Variants in CCDC125 observed in about 807,000 individuals in gnomAD.
The protein encoded by CCDC125 is coiled-coil domain-containing protein 125.
A neutral mutation model predicts 57.4 loss-of-function variants in CCDC125; 43 were observed. The observed-to-expected ratio is 0.75, with a 90% CI of 0.59 to 0.97. The LOEUF (loss-of-function observed/expected upper bound fraction) is 0.97, where lower values mean the gene tolerates loss of function less well. Ranked by LOEUF, CCDC125 falls within the 50% of genes least tolerant of loss-of-function variation. CCDC125 has a pLI of 0.00. For missense variants in CCDC125, 563 were observed against 595.7 expected, an observed-to-expected ratio of 0.95 and a Z score of 0.57; for synonymous variants, 187 against 195.2, an observed-to-expected ratio of 0.96 and a Z score of 0.35.
chr5:69,311,005 TA>T (rs921347112), intron 4 of CCDC125, 112 bp downstream of exon 4: 21 of 578,922 alleles, frequency 3.6e-5, no homozygotes, highest in Non-Finnish European at 5.4e-5. Context: ...TATACATACC[TA>T]AAAAAACCCT....
intron 3 of CCDC125, 25 bp downstream of exon 3, chr5:69,313,960 T>A: frequency 6.4e-7 from 1 of 1,553,918 alleles, no homozygotes; most frequent in Admixed American, 1.7e-5. Flanking sequence ...AAACTGATAA[T>A]TTTTATATTA....
chr5:69,294,642 T>C (rs766227182), intron 9 of CCDC125, 151 bp downstream of exon 9: 3 of 684,234 alleles, frequency 4.4e-6, no homozygotes, highest in African/African-American at 3.6e-5. Context: ...CAAAATCCAG[T>C]TGATAAGTTG....
At chr5:69,290,068 G>T (rs1754147189) in intron 10 of CCDC125, among the ~76,000 whole-genome samples, 1 of 151,768 alleles carries the variant, frequency 6.6e-6, no homozygotes, top group Admixed American at 6.6e-5. Flanking sequence ...TAGCTTCTAT[G>T]ATCTGCATTT....
chr5:69,307,638 C>T (rs1007264254), intron 5 of CCDC125: 5 of 252,716 alleles, frequency 2.0e-5, no homozygotes, highest in Admixed American at 9.9e-5. Flanking sequence ...GTAGAGATCG[C>T]GCCACTGCAC....
downstream of CCDC125, among the ~76,000 whole-genome samples, chr5:69,277,638 T>C (rs1263444982): frequency 8.6e-5 from 13 of 151,848 alleles, no homozygotes; most frequent in East Asian, 1.6e-3. Context: ...GGCGTGGTGG[T>C]GGGCGCCTGT....
chr5:69,317,690 A>G (rs908530644), intron 2 of CCDC125, among the ~76,000 whole-genome samples: 1 of 152,180 alleles, frequency 6.6e-6, no homozygotes, highest in African/African-American at 2.4e-5. Context: ...GAGTTGTAAC[A>G]TTTTATCAAA....
intron 3 of CCDC125, among the ~76,000 whole-genome samples, chr5:69,313,028 C>T (rs1172995993): frequency 6.6e-6 from 1 of 151,802 alleles, no homozygotes; most frequent in Non-Finnish European, 1.5e-5. Flanking sequence ...AGTTACAAGT[C>T]AGCAGCAAGG....
At chr5:69,284,451 C>T (rs930400076) in intron 11 of CCDC125, among the ~76,000 whole-genome samples, 1 of 151,950 alleles carries the variant, frequency 6.6e-6, no homozygotes, top group Non-Finnish European at 1.5e-5. Context: ...TTAAAAATGC[C>T]TCAATAAACA....
Position 69,292,284 on chromosome 5 carries a change from T to A in CCDC125, c.1003A>T (p.Met335Leu). ...TGTAGTGCCTGGTCATTTTTTCTCA[T>A]TAATTGTTGCTCAAATGCAATTCTG... ...AFRIAFEQQL[M>L]RKNDQALQLT... Residue 335 changes from methionine (M) to leucine (L), a missense_variant, in exon 10 of 12, where the codon ATG (methionine) becomes TTG (leucine). Transcript: ENST00000396496. 6.2e-7 allele frequency: 1 copy of A among 1,613,924 alleles called. No homozygotes were observed. The highest frequency in any genetic ancestry group is 8.5e-7 in the Non-Finnish European group (1 of 1,179,918).
intron 11 of CCDC125, among the ~76,000 whole-genome samples, chr5:69,285,083 ACT>A (rs202153416): frequency 0.012 from 1,810 of 151,886 alleles, 20 homozygotes; most frequent in Admixed American, 0.023. Flanking sequence ...GGTGACAGAG[ACT>A]CTGTCTCAAA....
In CCDC125 at chr5:69,287,889, C is replaced by T. The variant is rs751153519; in HGVS notation, c.1100-2422G>A. Among the ~76,000 whole-genome samples, 87 of 152,130 alleles carry T rather than the reference C, an allele frequency of 5.7e-4. 1 individual carries two copies. The highest frequency in any genetic ancestry group is 3.9e-4 in the Admixed American group (6 of 15,264). On this transcript the variant is annotated intron_variant, in intron 10 of 11. Transcript: ENST00000396496. Reference sequence around the variant, plus strand: ...CTGCCTATATCAATTATTTAAAATTCTGCCTTCAGTCTCTCTCAGTGCCTT... The same window carrying T: ...CTGCCTATATCAATTATTTAAAATTTTGCCTTCAGTCTCTCTCAGTGCCTT...
intron 8 of CCDC125, among the ~76,000 whole-genome samples, chr5:69,296,541 A>C (rs1410031807): frequency 6.6e-6 from 1 of 150,992 alleles, no homozygotes; most frequent in East Asian, 2.0e-4. Context: ...ACAAGAGCAA[A>C]ACTCTGTCTC....
rs372248267 is a variant in CCDC125, at chr5:69,320,238, A to C, written c.303T>G (p.Thr101=). 6.2e-7 allele frequency: 1 copy of C among 1,610,954 alleles called. No homozygotes were observed. Among genetic ancestry groups the C allele is most frequent in the Non-Finnish European group, 8.5e-7 (1 of 1,177,898 alleles). ...GGAGAGGAAATTCAGCATTCTTACCAGTGCTACTTTGTCGTCTGTAATTGG... is the reference window on the plus strand; with the variant it reads ...GGAGAGGAAATTCAGCATTCTTACCCGTGCTACTTTGTCGTCTGTAATTGG... ...RISNYRRQSS[T]VDSNSELSNE... Residue 101 remains threonine, a splice_region_variant and synonymous_variant, in exon 2 of 12, where the codon ACT becomes ACG. Coordinates refer to ENST00000396496, the MANE Select transcript of CCDC125 (RefSeq NM_176816.5).
At chr5:69,332,218 T>C (rs978744797) in intron 1 of CCDC125, among the ~76,000 whole-genome samples, 1 of 152,258 alleles carries the variant, frequency 6.6e-6, no homozygotes, top group Non-Finnish European at 1.5e-5. Flanking sequence ...TAATTTTAGA[T>C]GTACAGTAAA....
downstream of CCDC125, chr5:69,276,578 G>A: frequency 6.2e-7 from 1 of 1,613,520 alleles, no homozygotes; most frequent in Non-Finnish European, 8.5e-7. Flanking sequence ...ATCGGCCAGG[G>A]CCAACACCTG....
At chr5:69,321,073 G>C (rs918488521) in intron 1 of CCDC125, among the ~76,000 whole-genome samples, 2 of 152,164 alleles carry the variant, frequency 1.3e-5, no homozygotes, top group African/African-American at 2.4e-5. Flanking sequence ...GTCCTAGTTA[G>C]ACAGGAAGAA....
chr5:69,297,305 C>T (rs1274516825), intron 8 of CCDC125, among the ~76,000 whole-genome samples: 6 of 151,422 alleles, frequency 4.0e-5, no homozygotes, highest in African/African-American at 1.2e-4. Context: ...CATCCCAAAG[C>T]GCTGGGATTA....
Position 69,292,227 on chromosome 5 carries a change from C to CT in CCDC125, c.1059dup (p.Ala354SerfsTer11). The stretch of plus-strand genomic sequence containing the variant: ...TGCTTCCAATTCATCCATTTTGTTG[C>CT]TTTTTTATGCATTTTATCCATTTGT... On this transcript the variant is annotated frameshift_variant, in exon 10 of 12. Transcript: ENST00000396496. LOFTEE classifies it high-confidence loss of function. The CT allele has an allele frequency of 6.2e-7, 1 of 1,613,346 alleles. No homozygotes were observed.
chr5:69,283,413 G>A (rs1165722838), intron 11 of CCDC125, among the ~76,000 whole-genome samples: 1 of 151,784 alleles, frequency 6.6e-6, no homozygotes, highest in African/African-American at 2.4e-5. Context: ...GTAGAGACGG[G>A]GTTTCACTGT....
Sources: gnomAD v4.1 joint callset for allele counts (sites outside exome capture counted in the v4.1 genomes callset) on GRCh38, gnomAD v4.1.1 for gene constraint, MANE v1.5 for transcripts, NCBI Gene and HGNC (gene_info 2026-07-23, HGNC 2026-07-21) for gene names.